The following ZFP37 variants were observed in gnomAD, a reference collection of about 807,000 sequenced individuals.
ZFP37 encodes ZFP37 zinc finger protein.
ZFP37 carries 38 observed loss-of-function variants against 52.1 expected under a neutral mutation model. The ratio of observed to expected loss-of-function variants is 0.73; its 90% CI spans 0.56 to 0.96. The LOEUF (loss-of-function observed/expected upper bound fraction) is 0.96. Among genes scored for constraint, ZFP37 ranks in the 40% least tolerant of loss-of-function variants. The pLI is 0.00. For missense variants in ZFP37, 695 were observed against 741.4 expected, an observed-to-expected ratio of 0.94 and a Z score of 0.73; for synonymous variants, 253 against 259.5, an observed-to-expected ratio of 0.98 and a Z score of 0.24.
chr9:113,047,921 C>T (rs539323602), intron 3 of ZFP37, among the ~76,000 whole-genome samples: 14 of 152,224 alleles, frequency 9.2e-5, no homozygotes, highest in African/African-American at 2.4e-4. Context: ...TTGGAAGTCA[C>T]GAGTGTAGAA....
chr9:113,054,959 T>A (rs759873816), intron 1 of ZFP37, among the ~76,000 whole-genome samples: 27 of 152,306 alleles, frequency 1.8e-4, no homozygotes, highest in Middle Eastern at 3.4e-3. Flanking sequence ...TCAGAACAGA[T>A]CATTCCCCTG....
intron 3 of ZFP37, among the ~76,000 whole-genome samples, chr9:113,044,474 TA>T (rs1354181395): frequency 6.6e-6 from 1 of 152,164 alleles, no homozygotes; most frequent in African/African-American, 2.4e-5. Context: ...AGTGATTTTT[TA>T]AAGTTTTTGC....
At chr9:113,051,816 A>T (rs1433674690) in intron 1 of ZFP37, among the ~76,000 whole-genome samples, 1 of 152,144 alleles carries the variant, frequency 6.6e-6, no homozygotes, top group East Asian at 1.9e-4. Context: ...GTAGTCACTG[A>T]CTACCAATAA....
rs1380133826 is a variant in ZFP37 at position 113,040,846 on chromosome 9, G to T, written c.*1879C>A. Reference sequence around the variant, plus strand: ...ATTTTATATTATGTAAATTAATATTGTATTAAAATAAAGGTATGATGTTTT... The same window carrying T: ...ATTTTATATTATGTAAATTAATATTTTATTAAAATAAAGGTATGATGTTTT... On this transcript the variant is annotated 3_prime_UTR_variant, in exon 4 of 4. Coordinates refer to ENST00000374227, the MANE Select transcript of ZFP37 (RefSeq NM_003408.3). 1 of 152,118 alleles carries T rather than the reference G, an allele frequency of 6.6e-6. No homozygotes were observed. Among genetic ancestry groups the T allele is most frequent in the Non-Finnish European group, 1.5e-5 (1 of 68,010 alleles). The allele number at this position is 152,118 out of a possible 1,614,324, so 9.4% of individuals were successfully genotyped here.
chr9:113,051,445 C>CT (rs369943094), intron 1 of ZFP37, among the ~76,000 whole-genome samples: 157 of 151,584 alleles, frequency 1.0e-3, no homozygotes, highest in East Asian at 7.6e-3. Context: ...TTTTTTCCTT[C>CT]TTTTTTTTGC....
At position 113,056,682 on chromosome 9, in the gene ZFP37, C is replaced by T. The variant is rs765822796; in HGVS notation, c.7G>A (p.Val3Ile). 6.2e-7 allele frequency: 1 copy of T among 1,612,618 alleles called. No individual in the cohort carries two copies. Among genetic ancestry groups the T allele is most frequent in the South Asian group, 1.1e-5 (1 of 91,072 alleles). The change falls in exon 1 of 4, where the codon GTC becomes ATC. Residue 3 changes from valine (V) to isoleucine (I), a missense_variant. Coordinates refer to ENST00000374227, the MANE Select transcript of ZFP37 (RefSeq NM_003408.3). ...GTCAGAATCTGGACGCCGCTGGAGA[C>T]CGACATGGCGGCTACCCGGAGGGCG... MS[V>I]SSGVQILTKP...
At position 113,044,096 on chromosome 9, in the gene ZFP37, A is replaced by C. The variant is rs770483863; in HGVS notation, c.522T>G (p.Leu174=). 1.9e-6 allele frequency: 3 copies of C among 1,610,762 alleles called. No homozygotes were observed. Among genetic ancestry groups the C allele is most frequent in the Non-Finnish European group, 2.5e-6 (3 of 1,179,252 alleles). The part of the protein sequence containing the change: ...HKKHVPSKKR[L]LKFESCGKIL... ...TTTTTCCACATGACTCAAATTTAAG[A>C]AGCCTTTTCTTTGAAGGAACATGTT... Residue 174 remains leucine (L), a synonymous_variant, in exon 4 of 4, where the codon CTT becomes CTG. Transcript: ENST00000374227.
chr9:113,043,178 T>C lies in ZFP37; in HGVS notation c.1440A>G (p.Gln480=), dbSNP rs1312388398. 3.7e-6 allele frequency: 6 copies of C among 1,613,470 alleles called. No homozygotes were observed. The highest frequency in any genetic ancestry group is 5.1e-6 in the Non-Finnish European group (6 of 1,179,902). The change falls in exon 4 of 4, where the codon CAA becomes CAG. Residue 480 remains glutamine (Q), a synonymous_variant. Coordinates refer to ENST00000374227, the MANE Select transcript of ZFP37 (RefSeq NM_003408.3). ...AAGGTTTCTCCTTAGTATGAGTTCT[T>C]TGATGTATAATGAGGTGTGACTTCT... ...FSKKSHLIIH[Q]RTHTKEKPYK...
At chr9:113,047,474 G>A (rs1587912475) in intron 3 of ZFP37, among the ~76,000 whole-genome samples, 1 of 152,120 alleles carries the variant, frequency 6.6e-6, no homozygotes, top group African/African-American at 2.4e-5. Flanking sequence ...AATTAAAGCT[G>A]GGCATGGTGG....
At chr9:113,047,888 A>G (rs1320927339) in intron 3 of ZFP37, among the ~76,000 whole-genome samples, 1 of 152,228 alleles carries the variant, frequency 6.6e-6, no homozygotes, top group African/African-American at 2.4e-5. Flanking sequence ...TGAGTATAAG[A>G]CAAAGGAATT....
chr9:113,047,544 G>A (rs978100795), intron 3 of ZFP37, among the ~76,000 whole-genome samples: 2 of 151,988 alleles, frequency 1.3e-5, no homozygotes, highest in East Asian at 3.9e-4. Flanking sequence ...GAGACCAGCA[G>A]TTCAAGACCA....
At chr9:113,054,427 A>G (rs1829107462) in intron 1 of ZFP37, among the ~76,000 whole-genome samples, 1 of 152,146 alleles carries the variant, frequency 6.6e-6, no homozygotes, top group African/African-American at 2.4e-5. Context: ...ACCCGAGCCA[A>G]TCTTAAGGCT....
rs764898071 is a variant in ZFP37 at position 113,044,199 on chromosome 9, G to A, written c.419C>T (p.Ala140Val). 6.2e-6 allele frequency: 10 copies of A among 1,602,086 alleles called. No homozygotes were observed. The highest frequency in any genetic ancestry group is 2.3e-5 in the South Asian group (2 of 87,604). ...CTTAGCTTGAGTTTTCTTCTTGACT[G>A]CAACTTCCCTGAGGAGTTTGTTTTG... is the stretch of plus-strand genomic sequence containing the variant. ...KSQNKLLREV[A>V]VKKKTQAKKN... Residue 140 changes from alanine (A) to valine (V), a missense_variant, in exon 4 of 4, where the codon GCA (alanine) becomes GTA (valine). Physicochemically the swap from Ala to Val is moderately conservative, Grantham distance 64. Around this residue, in one of 2 missense-constraint regions of ZFP37, gnomAD observed 369 missense variants for 340.9 expected, o/e 1.08. Coordinates refer to ENST00000374227, the MANE Select transcript of ZFP37 (RefSeq NM_003408.3).
chr9:113,049,693 C>A, intron 2 of ZFP37, 98 bp downstream of exon 2: 1 of 1,512,046 alleles, frequency 6.6e-7, no homozygotes, highest in Non-Finnish European at 8.9e-7. Flanking sequence ...AAGAAGAAAG[C>A]CCTTTGACCC....
In ZFP37 at chr9:113,050,670, G is replaced by A. The variant is rs533880948; in HGVS notation, c.133-798C>T. On this transcript the variant is annotated intron_variant, in intron 1 of 3. Transcript: ENST00000374227. ...GCCTGTAATCCCAGCAATTTGGGAG[G>A]CCAAGGCAGGTGGATCATGTGAGGT... 8.9e-4 allele frequency among the ~76,000 whole-genome samples: 135 copies of A among 152,134 alleles called. 1 individual carries two copies. Among genetic ancestry groups the A allele is most frequent in the Middle Eastern group, 3.4e-3 (1 of 294 alleles).
At chr9:113,044,431 GT>G (rs1209627743) in intron 3 of ZFP37, among the ~76,000 whole-genome samples, 163 bp from the exon 4 acceptor site, 3 of 152,172 alleles carry the variant, frequency 2.0e-5, no homozygotes, top group Non-Finnish European at 4.4e-5. Context: ...GGGGGAAAAT[GT>G]TGTAGTAAAA....
Position 113,043,897 on chromosome 9 carries a change from T to C in ZFP37, c.721A>G (p.Lys241Glu), listed in dbSNP as rs777454835. The C allele has an allele frequency of 6.2e-7, 1 of 1,614,100 alleles. No individual in the cohort carries two copies. The highest frequency in any genetic ancestry group is 1.1e-5 in the South Asian group (1 of 91,080). ...EKLSSHSSSD[K>E]CNKTGKKHDK... Reference sequence around the variant, plus strand: ...TGTTTTTTGCCAGTTTTGTTACACTTATCAGATGAGCTATGGCTGGATAAT... The same window carrying C: ...TGTTTTTTGCCAGTTTTGTTACACTCATCAGATGAGCTATGGCTGGATAAT... Residue 241 changes from lysine to glutamate, a missense_variant, in exon 4 of 4, where the codon AAG (lysine) becomes GAG (glutamate). By Grantham distance (56) the Lys-to-Glu change is moderately conservative. Transcript: ENST00000374227.
intron 3 of ZFP37, among the ~76,000 whole-genome samples, chr9:113,048,226 G>C (rs942505063): frequency 6.6e-6 from 1 of 152,190 alleles, no homozygotes; most frequent in Non-Finnish European, 1.5e-5. Context: ...TTGACTGCAG[G>C]AGTTAAGGAG....
chr9:113,044,487 G>A (rs1221007613), intron 3 of ZFP37, among the ~76,000 whole-genome samples: 1 of 152,066 alleles, frequency 6.6e-6, no homozygotes, highest in Non-Finnish European at 1.5e-5. Context: ...AGTTTTTGCT[G>A]CTTAAAAATA....
Sources: allele counts gnomAD v4.1 joint callset (sites outside exome capture counted in the v4.1 genomes callset), GRCh38; gene constraint gnomAD v4.1.1; regional missense constraint gnomAD v4.1.1; transcripts MANE v1.5; gene names NCBI Gene and HGNC (gene_info 2026-07-23, HGNC 2026-07-21).